SEMA6D: variants seen among roughly 807,000 people sequenced by gnomAD.
SEMA6D encodes the protein semaphorin-6D.
In SEMA6D, 35 loss-of-function variants were observed where a neutral mutation model predicts 106.6. The observed-to-expected ratio is 0.33, with a 90% CI of 0.25 to 0.44. The LOEUF (loss-of-function observed/expected upper bound fraction) is 0.44. SEMA6D is among the 20% of genes least tolerant of loss of function. SEMA6D has a pLI of 1.00. For synonymous variants in SEMA6D, 499 were observed against 487.7 expected, an observed-to-expected ratio of 1.02 and a Z score of -0.31; for missense variants, 1,185 against 1,345.9, an observed-to-expected ratio of 0.88 and a Z score of 1.87.
chr15:47,417,749 T>C (rs1327600447), intron 2 of SEMA6D, among the ~76,000 whole-genome samples: 1 of 152,030 alleles, frequency 6.6e-6, no homozygotes, highest in African/African-American at 2.4e-5. Flanking sequence ...AAAATAGACA[T>C]CTCTAAATAT....
At chr15:47,711,491 A>AC (rs1275859061) in intron 4 of SEMA6D, among the ~76,000 whole-genome samples, 1 of 151,904 alleles carries the variant, frequency 6.6e-6, no homozygotes, top group East Asian at 1.9e-4. Context: ...ACATAAATGA[A>AC]CCCCCCGTAA....
chr15:47,245,936 A>G (rs1003710009), intron 1 of SEMA6D, among the ~76,000 whole-genome samples: 7 of 152,160 alleles, frequency 4.6e-5, no homozygotes, highest in Admixed American at 3.3e-4. Context: ...TAAAAAAATC[A>G]TAAACATGCT....
At chr15:47,296,679 A>C (rs758306220) in intron 1 of SEMA6D, among the ~76,000 whole-genome samples, 1 of 152,252 alleles carries the variant, frequency 6.6e-6, no homozygotes, top group Non-Finnish European at 1.5e-5. Flanking sequence ...TGAGCGTTTT[A>C]TCAAGATGTG....
At chr15:47,472,719 A>G (rs1270469865) in intron 3 of SEMA6D, among the ~76,000 whole-genome samples, 3 of 152,344 alleles carry the variant, frequency 2.0e-5, no homozygotes, top group African/African-American at 7.2e-5. Flanking sequence ...AGAATTGAGG[A>G]TTAAATGAGA....
intron 1 of SEMA6D, among the ~76,000 whole-genome samples, chr15:47,222,872 T>C (rs1169298953): frequency 2.6e-5 from 4 of 152,186 alleles, no homozygotes; most frequent in African/African-American, 7.2e-5. Context: ...AGCTCAATTA[T>C]GCTTATTGGA....
rs796900472 is a variant in SEMA6D, at chr15:47,667,286, CTAAG to C, written c.-55+66394_-55+66397del. ...CAACAAGTTTTGATTTTCTGAAACA[CTAAG>C]TAATTGTACATAACACTAGGAGTAA... On this transcript the variant is annotated intron_variant, in intron 4 of 19. Coordinates refer to the SEMA6D transcript ENST00000558014. Among the ~76,000 whole-genome samples the C allele has an allele frequency of 3.3e-5, 5 of 152,186 alleles. No individual in the cohort carries two copies. In the South Asian group the frequency reaches 1.0e-3, roughly 31 times the overall value.
chr15:47,234,048 T>C (rs2032384224), intron 1 of SEMA6D, among the ~76,000 whole-genome samples: 1 of 151,868 alleles, frequency 6.6e-6, no homozygotes, highest in East Asian at 1.9e-4. Context: ...CCTGAGAAAA[T>C]GGATAACAGT....
chr15:47,720,012 G>A (rs1299064914), intron 1 of SEMA6D, among the ~76,000 whole-genome samples: 3 of 152,166 alleles, frequency 2.0e-5, no homozygotes, highest in Non-Finnish European at 2.9e-5. Context: ...CCATAGTTCA[G>A]CCATAGCTGA....
intron 3 of SEMA6D, among the ~76,000 whole-genome samples, chr15:47,493,492 A>T (rs1040721300): frequency 6.6e-6 from 1 of 152,170 alleles, no homozygotes; most frequent in Non-Finnish European, 1.5e-5. Context: ...AATGCTGGGC[A>T]TTGGAAGAAG....
chr15:47,353,182 T>C (rs1372872036), intron 1 of SEMA6D, among the ~76,000 whole-genome samples: 1 of 152,138 alleles, frequency 6.6e-6, no homozygotes, highest in Admixed American at 6.5e-5. Context: ...CAAAAGATCC[T>C]GAGTTTTATG....
At chr15:47,334,344 G>A (rs956611728) in intron 1 of SEMA6D, among the ~76,000 whole-genome samples, 1 of 152,154 alleles carries the variant, frequency 6.6e-6, no homozygotes, top group African/African-American at 2.4e-5. Flanking sequence ...CCAAAGTGGG[G>A]TTTATGGGAA....
intron 4 of SEMA6D, among the ~76,000 whole-genome samples, chr15:47,667,806 T>TG (rs2078057651): frequency 6.6e-6 from 1 of 152,080 alleles, no homozygotes; most frequent in Admixed American, 6.6e-5. Flanking sequence ...CATATGAATT[T>TG]GGGGGGATGT....
At chr15:47,594,036 A>T (rs183197981) in intron 3 of SEMA6D, among the ~76,000 whole-genome samples, 73 of 152,344 alleles carry the variant, frequency 4.8e-4, no homozygotes, top group African/African-American at 1.3e-3. Flanking sequence ...ATCAAATGTC[A>T]TCACAGTTGA....
chr15:47,434,143 A>G (rs2041627147), intron 2 of SEMA6D, among the ~76,000 whole-genome samples: 2 of 152,132 alleles, frequency 1.3e-5, no homozygotes, highest in Non-Finnish European at 2.9e-5. Context: ...AGTCAGTGTT[A>G]TTAGAAAGTG....
chr15:47,320,411 C>T (rs556800458), intron 1 of SEMA6D, among the ~76,000 whole-genome samples: 6 of 151,410 alleles, frequency 4.0e-5, no homozygotes, highest in African/African-American at 1.5e-4. Flanking sequence ...TGTCCCTGTT[C>T]CTTATTTTAT....
At chr15:47,436,070 A>G (rs1022642087) in intron 2 of SEMA6D, among the ~76,000 whole-genome samples, 1 of 152,156 alleles carries the variant, frequency 6.6e-6, no homozygotes, top group South Asian at 2.1e-4. Context: ...GCCCTCCACC[A>G]TATTAGATAT....
chr15:47,422,225 C>CCTTCCTTG (rs1462642572), intron 2 of SEMA6D, among the ~76,000 whole-genome samples: 14 of 149,078 alleles, frequency 9.4e-5, no homozygotes, highest in African/African-American at 3.5e-4. Flanking sequence ...TTCCTTCCTT[C>CCTTCCTTG]CTTCCTTCCA....
intron 2 of SEMA6D, among the ~76,000 whole-genome samples, chr15:47,463,867 G>T (rs1354706776): frequency 6.6e-6 from 1 of 152,120 alleles, no homozygotes; most frequent in African/African-American, 2.4e-5. Context: ...GGTGTCTCCA[G>T]TCATACTTTG....
chr15:47,594,844 A>T (rs529199303), intron 3 of SEMA6D, among the ~76,000 whole-genome samples: 3 of 152,278 alleles, frequency 2.0e-5, no homozygotes, highest in Admixed American at 2.0e-4. Context: ...GGAGGAGCAG[A>T]TGTTTGTCAG....
Sources: allele counts gnomAD v4.1 joint callset (sites outside exome capture counted in the v4.1 genomes callset), GRCh38; gene constraint gnomAD v4.1.1; transcripts MANE v1.5; gene names NCBI Gene and HGNC (gene_info 2026-07-23, HGNC 2026-07-21).